TPCN2: variants seen among roughly 807,000 people sequenced by gnomAD.
TPCN2 encodes the protein two pore segment channel 2.
A neutral mutation model predicts 111.4 loss-of-function variants in TPCN2; 92 were observed. That is an observed-to-expected ratio of 0.83 (90% CI 0.70 to 0.98). TPCN2 has a LOEUF of 0.98. Ranked by LOEUF, TPCN2 falls within the 50% of genes least tolerant of loss-of-function variation. The pLI is 0.00. For synonymous variants in TPCN2, 405 were observed against 414.5 expected (o/e 0.98, Z 0.28); for missense variants, 995 against 980.1 (o/e 1.02, Z -0.20).
intron 22 of TPCN2, 110 bp downstream of exon 22, chr11:69,086,040 G>A (rs1340409479): frequency 9.4e-7 from 1 of 1,066,070 alleles, no homozygotes. Flanking sequence ...CTGGGACGGG[G>A]ACTCGGGCCT....
chr11:69,081,861 A>G (rs1713177086), intron 18 of TPCN2, among the ~76,000 whole-genome samples: 2 of 151,964 alleles, frequency 1.3e-5, no homozygotes, highest in Non-Finnish European at 2.9e-5. Context: ...GCTATTAATG[A>G]GGGGCAGTGG....
intron 13 of TPCN2, among the ~76,000 whole-genome samples, chr11:69,077,604 C>T (rs1810363318): frequency 6.6e-6 from 1 of 152,270 alleles, no homozygotes; most frequent in Non-Finnish European, 1.5e-5. Context: ...TCCTTCCAGA[C>T]TTTTCCCTGT....
Position 69,057,627 on chromosome 11 carries a change from G to A in TPCN2, c.479G>A (p.Gly160Asp). Residue 160 changes from glycine (G) to aspartate (D), a missense_variant, in exon 5 of 25, where the codon GGC becomes GAC. Coordinates refer to ENST00000294309, the MANE Select transcript of TPCN2 (RefSeq NM_139075.4). ...AHFQKNLWLL[G>D]YLVVLVVSLV... is the part of the protein sequence containing the mutation. The stretch of plus-strand genomic sequence containing the variant: ...TTCCAGAAAAACCTTTGGCTGCTGG[G>A]CTACCTCGTGGTGCTGGTGGTGTCT... The A allele has an allele frequency of 4.3e-6, 7 of 1,614,220 alleles. No homozygotes were observed. Among genetic ancestry groups the A allele is most frequent in the Non-Finnish European group, 5.9e-6 (7 of 1,180,028 alleles).
At chr11:69,057,046 A>T (rs10896399) in intron 4 of TPCN2, among the ~76,000 whole-genome samples, 1 of 151,514 alleles carries the variant, frequency 6.6e-6, no homozygotes. Context: ...CCATGTTGGC[A>T]AGGCTGGTCT....
chr11:69,049,091 A>T lies in TPCN2; in HGVS notation c.94A>T (p.Ile32Phe). 8.1e-7 allele frequency: 1 copy of T among 1,242,088 alleles called. No individual in the cohort carries two copies. Among genetic ancestry groups the T allele is most frequent in the Non-Finnish European group, 1.0e-6 (1 of 987,838 alleles). The allele number at this position is 1,242,088 out of a possible 1,614,324, so 76.9% of individuals were successfully genotyped here. The stretch of plus-strand genomic sequence containing the variant: ...GGCGGGGCTGACCACTTACCGCAGC[A>T]TCCAAGTCGGCCCTGGTGAGCCGCC... ...WPAGLTTYRSIQVGPGAAARW... is the reference protein window; with the variant it reads ...WPAGLTTYRSFQVGPGAAARW... The change falls in exon 1 of 25, where the codon ATC becomes TTC. Residue 32 changes from isoleucine (I) to phenylalanine (F), a missense_variant. Physicochemically the swap from Ile to Phe is conservative, Grantham distance 21. Transcript: ENST00000294309.
intron 1 of TPCN2, among the ~76,000 whole-genome samples, chr11:69,053,610 C>G (rs1861331583): frequency 6.6e-6 from 1 of 152,048 alleles, no homozygotes; most frequent in African/African-American, 2.4e-5. Flanking sequence ...CTCTTGTGCT[C>G]CTGCGTTGCA....
chr11:69,082,368 A>C (rs1030462533), intron 18 of TPCN2, among the ~76,000 whole-genome samples: 1 of 152,284 alleles, frequency 6.6e-6, no homozygotes, highest in Non-Finnish European at 1.5e-5. Flanking sequence ...ACACAGTCAC[A>C]CATATACAAT....
rs559232261 is a variant in TPCN2 at position 69,070,537 on chromosome 11, C to T, written c.895+42C>T. 6.2e-5 allele frequency: 94 copies of T among 1,504,516 alleles called. 1 individual carries two copies. The Middle Eastern group carries it at 7.0e-4, about 11-fold the overall frequency. 93.2% of individuals were successfully genotyped at this position (1,504,516 alleles called of 1,614,324 possible). The stretch of plus-strand genomic sequence containing the variant: ...TGGCCAGCATTTTGTGACAGGATCC[C>T]GAGAGCTCAGGGACCGATACACCCT... On this transcript the variant is annotated intron_variant, in intron 9 of 24. Coordinates refer to ENST00000294309, the MANE Select transcript of TPCN2 (RefSeq NM_139075.4).
chr11:69,061,928 AGTGTGT>A lies in TPCN2; in HGVS notation c.547-948_547-943del, dbSNP rs1278135413. On this transcript the variant is annotated intron_variant, in intron 5 of 24. Coordinates refer to ENST00000294309, the MANE Select transcript of TPCN2 (RefSeq NM_139075.4). ...CAGGGAAGATGGGGATATCTGTGAG[AGTGTGT>A]GTGTGTGAGTGTGAGTGTGTGTGTG... 4.0e-5 allele frequency among the ~76,000 whole-genome samples: 6 copies of A among 151,194 alleles called. No homozygotes were observed. In the East Asian group the frequency reaches 9.7e-4, roughly 24 times the overall value.
At chr11:69,055,106 C>A in intron 3 of TPCN2, 69 bp from the exon 4 acceptor site, 1 of 1,541,934 alleles carries the variant, frequency 6.5e-7, no homozygotes, top group Non-Finnish European at 8.8e-7. Flanking sequence ...ACTGGGGAAG[C>A]TCCTGACCAG....
At position 69,088,351 on chromosome 11, in the gene TPCN2, C is replaced by A; in HGVS notation, c.*398C>A. 1 of 182,998 alleles carries A rather than the reference C, an allele frequency of 5.5e-6. No homozygotes were observed. The highest frequency in any genetic ancestry group is 1.1e-5 in the Non-Finnish European group (1 of 87,354). The allele number at this position is 182,998 out of a possible 1,614,324, so 11.3% of individuals were successfully genotyped here. On this transcript the variant is annotated 3_prime_UTR_variant, in exon 25 of 25. Transcript: ENST00000294309. ...GGGCCTGCACAGGTTAACCGTCAGA[C>A]TTCCGGGGCATTCAGGTGGGGATGC...
intron 8 of TPCN2, among the ~76,000 whole-genome samples, chr11:69,067,987 T>A (rs1382730831): frequency 6.6e-6 from 1 of 152,094 alleles, no homozygotes; most frequent in African/African-American, 2.4e-5. Context: ...CCTGGTGCCG[T>A]CCTGCTGGAG....
At chr11:69,049,281 C>T (rs977965326) in intron 1 of TPCN2, among the ~76,000 whole-genome samples, 175 bp downstream of exon 1, 1 of 152,186 alleles carries the variant, frequency 6.6e-6, no homozygotes, top group South Asian at 2.1e-4. Context: ...GGCGAGTGGG[C>T]TGCGTCCTGC....
intron 18 of TPCN2, among the ~76,000 whole-genome samples, chr11:69,082,236 C>G (rs1856044438): frequency 6.6e-6 from 1 of 152,222 alleles, no homozygotes; most frequent in Non-Finnish European, 1.5e-5. Flanking sequence ...CACATAATTA[C>G]AGCCATACAA....
chr11:69,070,638 CT>C (rs1249974206), intron 9 of TPCN2, 143 bp downstream of exon 9: 20 of 622,928 alleles, frequency 3.2e-5, no homozygotes, highest in Non-Finnish European at 2.2e-5. Context: ...CTGCCAACAG[CT>C]TTTAACCCCA....
rs148836538 is a variant in TPCN2, at chr11:69,078,556, C to G, written c.1305C>G (p.Asp435Glu). 432 of 1,614,002 alleles carry G rather than the reference C, an allele frequency of 2.7e-4. No individual in the cohort carries two copies. Among genetic ancestry groups the G allele is most frequent in the Non-Finnish European group, 3.5e-4 (412 of 1,180,030 alleles). ...AQFLFGHYYF[D>E]YLGNLIALAN... ...TCCTCTTCGGCCACTACTACTTTGACTACCTGGGGAACCTCATCGCCCTGG... is the reference window on the plus strand; with the variant it reads ...TCCTCTTCGGCCACTACTACTTTGAGTACCTGGGGAACCTCATCGCCCTGG... The change falls in exon 14 of 25, where the codon GAC becomes GAG. Residue 435 changes from aspartate to glutamate, a missense_variant. Physicochemically the swap from Asp to Glu is conservative, Grantham distance 45. Coordinates refer to ENST00000294309, the MANE Select transcript of TPCN2 (RefSeq NM_139075.4).
Position 69,088,247 on chromosome 11 carries a change from A to C in TPCN2, c.*294A>C. ...GGACCTTTCAGACAAAAATGCAAGA[A>C]GCAGCGGCCTCCCCTGTCCCCTGCA... On this transcript the variant is annotated 3_prime_UTR_variant, in exon 25 of 25. Transcript: ENST00000294309. 2.5e-6 allele frequency: 1 copy of C among 398,892 alleles called. No homozygotes were observed. The highest frequency in any genetic ancestry group is 4.6e-6 in the Non-Finnish European group (1 of 217,000). 24.7% of individuals were successfully genotyped at this position (398,892 alleles called of 1,614,324 possible). A position where few individuals can be genotyped will look rare whatever the true frequency, so the allele number is the denominator to read the frequency against.
At position 69,087,118 on chromosome 11, in the gene TPCN2, C is replaced by T; in HGVS notation, c.2092C>T (p.Leu698Phe). 1.2e-6 allele frequency: 2 copies of T among 1,613,812 alleles called. No homozygotes were observed. Among genetic ancestry groups the T allele is most frequent in the Non-Finnish European group, 1.7e-6 (2 of 1,179,800 alleles). The change falls in exon 24 of 25, where the codon CTT becomes TTT. Residue 698 changes from leucine (L) to phenylalanine (F), a missense_variant. Transcript: ENST00000294309. ...LFLALILENF[L>F]HKWDPRSHLQ... ...CACTCCTCCTGCTTGCCAGAACTTCCTTCACAAGTGGGACCCCCGCAGCCA... is the reference window on the plus strand; with the variant it reads ...CACTCCTCCTGCTTGCCAGAACTTCTTTCACAAGTGGGACCCCCGCAGCCA...
Position 69,078,818 on chromosome 11 carries a change from C to T in TPCN2, c.1410+25C>T, listed in dbSNP as rs184812213. ...GGTAAGTTCTGAGCTGTCCACCTGT[C>T]AGGGCCAGGGTGAGGCTGGGCAGTG... On this transcript the variant is annotated intron_variant, in intron 15 of 24. Coordinates refer to ENST00000294309, the MANE Select transcript of TPCN2 (RefSeq NM_139075.4). The T allele has an allele frequency of 2.5e-6, 4 of 1,614,130 alleles. No homozygotes were observed. In the African/African-American group the frequency reaches 5.3e-5, roughly 22 times the overall value.
Sources: allele counts gnomAD v4.1 joint callset (sites outside exome capture counted in the v4.1 genomes callset), GRCh38; gene constraint gnomAD v4.1.1; transcripts MANE v1.5; gene names NCBI Gene and HGNC (gene_info 2026-07-23, HGNC 2026-07-21).